The following NKAIN3 variants were observed in gnomAD, a reference collection of about 807,000 sequenced individuals.
NKAIN3 encodes the protein sodium/potassium transporting ATPase interacting 3.
In NKAIN3, 25 loss-of-function variants were observed where a neutral mutation model predicts 30.2. The ratio of observed to expected loss-of-function variants is 0.83; its 90% CI spans 0.60 to 1.16. NKAIN3 has a LOEUF of 1.16. NKAIN3 is among the 50% of genes most tolerant of loss of function. NKAIN3 has a pLI of 0.00. For missense variants in NKAIN3, 225 were observed against 254.1 expected (o/e 0.89, Z 0.78); for synonymous variants, 91 against 89.6 (o/e 1.02, Z -0.09).
rs1824138104 is a variant in NKAIN3 at position 62,983,652 on chromosome 8, C to T, written c.*18245C>T. On this transcript the variant is annotated 3_prime_UTR_variant, in exon 7 of 7. Coordinates refer to ENST00000623646, the MANE Select transcript of NKAIN3 (RefSeq NM_001304533.3). ...GCTATGAGACTGAAGTCCTCCTAGA[C>T]CGCCCCATTCATCTGAGTAGTTAGG... 2 of 152,216 alleles carry T rather than the reference C, an allele frequency of 1.3e-5. No homozygotes were observed. The highest frequency in any genetic ancestry group is 4.1e-4 in the South Asian group (2 of 4,830). 9.4% of individuals were successfully genotyped at this position (152,216 alleles called of 1,614,324 possible). A position where few individuals can be genotyped will look rare whatever the true frequency, so the allele number is the denominator to read the frequency against.
chr8:62,521,237 A>AT (rs1259112247), intron 1 of NKAIN3, among the ~76,000 whole-genome samples: 3 of 151,978 alleles, frequency 2.0e-5, no homozygotes, highest in Non-Finnish European at 4.4e-5. Flanking sequence ...TGACGCTCTG[A>AT]TTCTAGGAAA....
intron 1 of NKAIN3, among the ~76,000 whole-genome samples, chr8:62,389,354 C>T (rs1817519636): frequency 6.6e-6 from 1 of 152,066 alleles, no homozygotes; most frequent in Admixed American, 6.6e-5. Context: ...AAAACTTAGT[C>T]TTTTAGCTGT....
chr8:62,837,808 G>A (rs1362052500), intron 4 of NKAIN3, among the ~76,000 whole-genome samples: 1 of 151,904 alleles, frequency 6.6e-6, no homozygotes, highest in African/African-American at 2.4e-5. Context: ...AATTTGCAAA[G>A]GTGATTTATC....
intron 3 of NKAIN3, among the ~76,000 whole-genome samples, chr8:62,620,254 C>T (rs768620990): frequency 6.6e-6 from 1 of 152,008 alleles, no homozygotes; most frequent in Non-Finnish European, 1.5e-5. Flanking sequence ...TTCTTTCCTC[C>T]AGGTATAGGG....
At chr8:62,930,077 T>C (rs866710346) in intron 5 of NKAIN3, among the ~76,000 whole-genome samples, 4 of 152,140 alleles carry the variant, frequency 2.6e-5, no homozygotes. Flanking sequence ...TATTAACCAT[T>C]TTAATATTTT....
At chr8:62,876,569 C>A (rs2130807814) in intron 4 of NKAIN3, among the ~76,000 whole-genome samples, 1 of 152,142 alleles carries the variant, frequency 6.6e-6, no homozygotes, top group East Asian at 1.9e-4. Context: ...AAACAAAATG[C>A]CCATCGATGA....
chr8:62,770,277 A>G (rs957069852), intron 4 of NKAIN3, among the ~76,000 whole-genome samples: 2 of 152,208 alleles, frequency 1.3e-5, no homozygotes, highest in African/African-American at 4.8e-5. Context: ...CTGAGTTTTT[A>G]GTGTACTCCA....
chr8:62,695,764 G>A (rs1371509020), intron 3 of NKAIN3, among the ~76,000 whole-genome samples: 1 of 152,184 alleles, frequency 6.6e-6, no homozygotes, highest in African/African-American at 2.4e-5. Flanking sequence ...GCAGAACTCA[G>A]GGGAGAGTGA....
At chr8:62,586,678 A>G (rs546346467) in intron 2 of NKAIN3, among the ~76,000 whole-genome samples, 4 of 152,086 alleles carry the variant, frequency 2.6e-5, no homozygotes, top group Non-Finnish European at 5.9e-5. Flanking sequence ...ATTATAAACT[A>G]ATTGCTTGAT....
rs74547694 is a variant in NKAIN3 at position 62,578,493 on chromosome 8, A to G, written c.55-1046A>G. The stretch of plus-strand genomic sequence containing the variant: ...TCAAGGGGGTTAACTCTAGTTTTAG[A>G]TCAGAGTCTTGAGCCCAGAGTAAGT... On this transcript the variant is annotated intron_variant, in intron 1 of 6. Transcript: ENST00000623646. Among the ~76,000 whole-genome samples the G allele has an allele frequency of 3.7e-3, 556 of 152,190 alleles. 2 individuals are homozygous for G. Among genetic ancestry groups the G allele is most frequent in the Middle Eastern group, 0.027 (8 of 294 alleles).
chr8:62,924,274 C>T (rs1822371455), intron 5 of NKAIN3, among the ~76,000 whole-genome samples: 3 of 152,172 alleles, frequency 2.0e-5, no homozygotes, highest in African/African-American at 7.2e-5. Context: ...AACCATTTTT[C>T]TCCCACCCTT....
chr8:62,249,470 C>T (rs1812018982), intron 1 of NKAIN3, among the ~76,000 whole-genome samples: 1 of 152,266 alleles, frequency 6.6e-6, no homozygotes, highest in African/African-American at 2.4e-5. Context: ...GTTTAGCACC[C>T]TCCGCGTTCG....
At chr8:62,347,396 T>A (rs967749151) in intron 1 of NKAIN3, among the ~76,000 whole-genome samples, 1 of 152,058 alleles carries the variant, frequency 6.6e-6, no homozygotes, top group African/African-American at 2.4e-5. Flanking sequence ...GAAAAAGATA[T>A]CAGAATATCT....
In NKAIN3 at chr8:62,826,729, C is replaced by A. The variant is rs1819037164; in HGVS notation, c.471+79600C>A. ...ACAATTACATGTGAAGGGTACTAAGCTTTTGGAAATGCTAATTAATTATAC... is the reference window on the plus strand; with the variant it reads ...ACAATTACATGTGAAGGGTACTAAGATTTTGGAAATGCTAATTAATTATAC... On this transcript the variant is annotated intron_variant, in intron 4 of 6. Coordinates refer to ENST00000623646, the MANE Select transcript of NKAIN3 (RefSeq NM_001304533.3). Among the ~76,000 whole-genome samples, 3 of 152,112 alleles carry A rather than the reference C, an allele frequency of 2.0e-5. No individual in the cohort carries two copies. In the South Asian group the frequency reaches 6.2e-4, roughly 32 times the overall value.
intron 4 of NKAIN3, among the ~76,000 whole-genome samples, chr8:62,760,554 C>T (rs1273141955): frequency 6.8e-6 from 1 of 147,198 alleles, no homozygotes; most frequent in East Asian, 2.0e-4. Flanking sequence ...CATGTTCTCA[C>T]TCATAGGTTG....
chr8:62,939,704 T>A (rs113384306), intron 5 of NKAIN3, among the ~76,000 whole-genome samples: 2,765 of 152,146 alleles, frequency 0.018, 88 homozygotes, highest in African/African-American at 0.063. Context: ...AAAAAAATGC[T>A]GAGAGAATTT....
At chr8:62,459,926 T>C (rs1805937092) in intron 1 of NKAIN3, among the ~76,000 whole-genome samples, 1 of 152,114 alleles carries the variant, frequency 6.6e-6, no homozygotes, top group South Asian at 2.1e-4. Flanking sequence ...GAGAAGTCAT[T>C]GAAGGATTGT....
intron 3 of NKAIN3, among the ~76,000 whole-genome samples, chr8:62,732,695 A>G (rs1257204521): frequency 6.6e-6 from 1 of 152,094 alleles, no homozygotes; most frequent in East Asian, 1.9e-4. Context: ...TATTGACACT[A>G]ATGTACTGTA....
At chr8:62,647,162 C>G (rs1812485395) in intron 3 of NKAIN3, among the ~76,000 whole-genome samples, 1 of 152,144 alleles carries the variant, frequency 6.6e-6, no homozygotes, top group Non-Finnish European at 1.5e-5. Context: ...ACTTCCACCT[C>G]GGAGCTGACA....
Sources: allele counts gnomAD v4.1 joint callset (sites outside exome capture counted in the v4.1 genomes callset), GRCh38; gene constraint gnomAD v4.1.1; transcripts MANE v1.5; gene names NCBI Gene and HGNC (gene_info 2026-07-23, HGNC 2026-07-21).